CNOT1: variants seen among roughly 807,000 people sequenced by gnomAD.
CNOT1 encodes CCR4-NOT transcription complex subunit 1.
CNOT1 carries 15 observed loss-of-function variants against 273.8 expected under a neutral mutation model. The ratio of observed to expected loss-of-function variants is 0.05; its 90% CI spans 0.04 to 0.08. CNOT1 has a LOEUF of 0.08. CNOT1 is among the 10% of genes least tolerant of loss of function. The pLI is 1.00. For synonymous variants in CNOT1, 1,022 were observed against 1,005.5 expected, an observed-to-expected ratio of 1.02 and a Z score of -0.31; for missense variants, 1,644 against 2,912.2, an observed-to-expected ratio of 0.56 and a Z score of 10.02.
At chr16:58,539,625 A>G in intron 35 of CNOT1, 143 bp downstream of exon 35, 1 of 457,046 alleles carries the variant, frequency 2.2e-6, no homozygotes, top group Non-Finnish European at 3.0e-6. Context: ...TCTACGTTGG[A>G]AAAAAAAAAA....
chr16:58,550,116 C>T (rs2040403039), intron 24 of CNOT1, among the ~76,000 whole-genome samples: 1 of 152,226 alleles, frequency 6.6e-6, no homozygotes, highest in Non-Finnish European at 1.5e-5. Flanking sequence ...ACTGAAACAT[C>T]TATGGCTATT....
At chr16:58,559,852 T>A in intron 17 of CNOT1, 1 of 539,526 alleles carries the variant, frequency 1.9e-6, no homozygotes. Context: ...GCCCCAGTTA[T>A]AACAAGTCGT....
chr16:58,591,611 G>A (rs1420581599), intron 2 of CNOT1, among the ~76,000 whole-genome samples: 4 of 152,016 alleles, frequency 2.6e-5, no homozygotes, highest in East Asian at 3.9e-4. Flanking sequence ...AAAATTAGCC[G>A]GACGTGGCGG....
chr16:58,626,406 CAAAAAAAAAAAAAA>C (rs34556623), intron 1 of CNOT1, among the ~76,000 whole-genome samples: 1 of 60,960 alleles, frequency 1.6e-5, no homozygotes, highest in Non-Finnish European at 2.8e-5. Flanking sequence ...GACTGCGTCT[CAAAAAAAAAAAAAA>C]AAAAAAAAAA....
chr16:58,624,736 T>A (rs1285684028), intron 1 of CNOT1: 1 of 150,444 alleles, frequency 6.6e-6, no homozygotes, highest in African/African-American at 2.5e-5. Flanking sequence ...AGGCGGACGT[T>A]GCAGTGAGCC....
intron 34 of CNOT1, among the ~76,000 whole-genome samples, chr16:58,541,120 G>A (rs776343259): frequency 5.9e-5 from 9 of 152,274 alleles, no homozygotes; most frequent in Middle Eastern, 6.8e-3. Flanking sequence ...TGGGAGGATC[G>A]CTTGAGTCTG....
At chr16:58,609,418 C>T (rs2042809854) in intron 1 of CNOT1, among the ~76,000 whole-genome samples, 1 of 151,878 alleles carries the variant, frequency 6.6e-6, no homozygotes, top group Admixed American at 6.6e-5. Flanking sequence ...ACAAAACTTA[C>T]TCATGTAACC....
intron 16 of CNOT1, among the ~76,000 whole-genome samples, chr16:58,564,456 T>C (rs1317369831): frequency 6.6e-6 from 1 of 152,122 alleles, no homozygotes; most frequent in African/African-American, 2.4e-5. Flanking sequence ...ATGCCTTCAA[T>C]TGTGTAAGCC....
chr16:58,526,910 A>T (rs1458187179), intron 44 of CNOT1, among the ~76,000 whole-genome samples: 1 of 151,884 alleles, frequency 6.6e-6, no homozygotes, highest in Non-Finnish European at 1.5e-5. Flanking sequence ...GTGCACCTCT[A>T]GTCACAGCTA....
chr16:58,523,620 A>C (rs994997867), intron 46 of CNOT1, 118 bp from the exon 47 acceptor site: 2 of 893,088 alleles, frequency 2.2e-6, no homozygotes, highest in Non-Finnish European at 1.7e-6. Context: ...CTTTGGTTTA[A>C]AGCAGTGGTT....
At chr16:58,604,827 TTAA>T (rs1272857433) in intron 1 of CNOT1, among the ~76,000 whole-genome samples, 5 of 47,790 alleles carry the variant, frequency 1.0e-4, no homozygotes, top group African/African-American at 2.1e-4. Flanking sequence ...AAAAAAAAAA[TTAA>T]AAAAAAAAAA....
chr16:58,618,881 T>C (rs1044507207), intron 1 of CNOT1, among the ~76,000 whole-genome samples: 1 of 152,118 alleles, frequency 6.6e-6, no homozygotes, highest in South Asian at 2.1e-4. Context: ...GTATGTGCCT[T>C]AAATATTTTA....
chr16:58,587,691 T>C, intron 4 of CNOT1, 89 bp downstream of exon 4: 1 of 1,408,632 alleles, frequency 7.1e-7, no homozygotes, highest in Non-Finnish European at 9.7e-7. Context: ...ATTTTTATAT[T>C]AAGACATCAC....
intron 1 of CNOT1, among the ~76,000 whole-genome samples, chr16:58,620,154 T>C (rs1377065018): frequency 2.0e-5 from 3 of 152,188 alleles, no homozygotes; most frequent in African/African-American, 7.2e-5. Flanking sequence ...ACTGTATATA[T>C]GCACTGGGGA....
chr16:58,526,175 C>G (rs751472871), intron 44 of CNOT1, 37 bp from the exon 45 acceptor site: 1 of 1,610,070 alleles, frequency 6.2e-7, no homozygotes, highest in Non-Finnish European at 8.5e-7. Flanking sequence ...CAAGCAGAAT[C>G]ATTTTTATTA....
Position 58,546,514 on chromosome 16 carries a change from G to A in CNOT1, c.3829-16C>T. Reference sequence around the variant, plus strand: ...TCAAGTTTAACTGCACAGTTCCAGAGTTGGATTAGAATTTTTAAAAGAAAA... The same window carrying A: ...TCAAGTTTAACTGCACAGTTCCAGAATTGGATTAGAATTTTTAAAAGAAAA... On this transcript the variant is annotated splice_polypyrimidine_tract_variant and intron_variant, in intron 28 of 48. Transcript: ENST00000317147. 6.2e-7 allele frequency: 1 copy of A among 1,605,198 alleles called. No individual in the cohort carries two copies. The highest frequency in any genetic ancestry group is 8.5e-7 in the Non-Finnish European group (1 of 1,177,572).
At chr16:58,605,419 C>G (rs2042641526) in intron 1 of CNOT1, among the ~76,000 whole-genome samples, 1 of 151,974 alleles carries the variant, frequency 6.6e-6, no homozygotes, top group Non-Finnish European at 1.5e-5. Flanking sequence ...AGGAGAATCA[C>G]TTGAACCCAG....
Position 58,572,380 on chromosome 16 carries a change from A to G in CNOT1, c.1979+2229T>C, listed in dbSNP as rs2041304124. Among the ~76,000 whole-genome samples, 3 of 152,192 alleles carry G rather than the reference A, an allele frequency of 2.0e-5. No individual in the cohort carries two copies. The South Asian group carries it at 6.2e-4, about 32-fold the overall frequency. ...GTGCAGTAGCTCATGCCTGTAATCA[A>G]TCGCAGCACTTCTGGAGGCCAAAGT... On this transcript the variant is annotated intron_variant, in intron 16 of 48. Coordinates refer to ENST00000317147, the MANE Select transcript of CNOT1 (RefSeq NM_016284.5).
chr16:58,548,382 G>A, intron 25 of CNOT1: 1 of 434,508 alleles, frequency 2.3e-6, no homozygotes, highest in South Asian at 1.8e-5. Flanking sequence ...TCTTGACTTA[G>A]GGCTATATTT....
Sources: allele counts gnomAD v4.1 joint callset (sites outside exome capture counted in the v4.1 genomes callset), GRCh38; gene constraint gnomAD v4.1.1; transcripts MANE v1.5; gene names NCBI Gene and HGNC (gene_info 2026-07-23, HGNC 2026-07-21).